Variants in ZFAND6 observed in about 807,000 individuals in gnomAD.
ZFAND6 encodes the protein zinc finger AN1-type containing 6.
In ZFAND6, 12 loss-of-function variants were observed where a neutral mutation model predicts 24.5. The ratio of observed to expected loss-of-function variants is 0.49; its 90% CI spans 0.31 to 0.79. The LOEUF (loss-of-function observed/expected upper bound fraction) is 0.79, where lower values mean the gene tolerates loss of function less well. ZFAND6 is among the 30% of genes least tolerant of loss of function. ZFAND6 has a pLI of 0.04. For synonymous variants in ZFAND6, 92 were observed against 81.5 expected, an observed-to-expected ratio of 1.13 and a Z score of -0.69; for missense variants, 207 against 245.9, an observed-to-expected ratio of 0.84 and a Z score of 1.06.
At chr15:80,099,632 T>TTTTTTTC (rs1313989156) in intron 2 of ZFAND6, among the ~76,000 whole-genome samples, 7 of 149,180 alleles carry the variant, frequency 4.7e-5, no homozygotes, top group African/African-American at 1.5e-4. Context: ...TTTTTTTTTT[T>TTTTTTTC]TTCGAGACGG....
chr15:80,069,768 G>A (rs1419096870), intron 1 of ZFAND6, among the ~76,000 whole-genome samples: 4 of 151,956 alleles, frequency 2.6e-5, no homozygotes, highest in African/African-American at 9.7e-5. Context: ...GCCACTGCAC[G>A]AGGCTAATTT....
At chr15:80,131,499 T>C (rs899013519) in intron 6 of ZFAND6, 1 of 467,374 alleles carries the variant, frequency 2.1e-6, no homozygotes, top group Non-Finnish European at 3.7e-6. Flanking sequence ...AAAAAAAGTT[T>C]TATTTCAGTT....
chr15:80,120,291 G>A (rs759910229), intron 2 of ZFAND6, 37 bp from the exon 3 acceptor site: 65 of 1,426,394 alleles, frequency 4.6e-5, no homozygotes, highest in Non-Finnish European at 5.5e-5. Flanking sequence ...TGGAAGTTAC[G>A]TGTCTGAGTT....
intron 1 of ZFAND6, among the ~76,000 whole-genome samples, chr15:80,092,890 G>C (rs2038471976): frequency 1.3e-5 from 2 of 151,722 alleles, no homozygotes; most frequent in South Asian, 4.2e-4. Flanking sequence ...GAAGTCTTTT[G>C]GTCTCAAAAT....
chr15:80,080,283 C>G (rs955170926), intron 1 of ZFAND6, among the ~76,000 whole-genome samples: 2 of 152,132 alleles, frequency 1.3e-5, no homozygotes, highest in Non-Finnish European at 2.9e-5. Context: ...AGGCATGAGC[C>G]ACTGCACCCG....
At chr15:80,075,542 A>G (rs1402311431) in intron 1 of ZFAND6, among the ~76,000 whole-genome samples, 1 of 152,196 alleles carries the variant, frequency 6.6e-6, no homozygotes, top group East Asian at 1.9e-4. Flanking sequence ...TATTTGGGTC[A>G]AGATATGAAA....
chr15:80,097,851 A>G (rs1415075798), intron 1 of ZFAND6, among the ~76,000 whole-genome samples: 1 of 148,208 alleles, frequency 6.7e-6, no homozygotes, highest in African/African-American at 2.5e-5. Flanking sequence ...TTTTTTTTTT[A>G]TGGGAACAAG....
chr15:80,132,407 A>G (rs754487907), intron 6 of ZFAND6, among the ~76,000 whole-genome samples: 1 of 152,260 alleles, frequency 6.6e-6, no homozygotes, highest in Non-Finnish European at 1.5e-5. Flanking sequence ...CCTATACAAT[A>G]TGCAGATCAT....
At chr15:80,092,674 A>C (rs1340317227) in intron 1 of ZFAND6, among the ~76,000 whole-genome samples, 1 of 152,104 alleles carries the variant, frequency 6.6e-6, no homozygotes, top group African/African-American at 2.4e-5. Context: ...TGGTGGGTGA[A>C]TGGGTTCATT....
chr15:80,118,903 G>A (rs62006309), intron 2 of ZFAND6, among the ~76,000 whole-genome samples: 78,332 of 152,020 alleles, frequency 0.52, 20,496 homozygotes, highest in Admixed American at 0.63. Flanking sequence ...TCTAGTTGGT[G>A]ACAGTAAACT....
intron 1 of ZFAND6, among the ~76,000 whole-genome samples, chr15:80,095,656 G>A (rs1304328782): frequency 6.6e-6 from 1 of 152,138 alleles, no homozygotes; most frequent in Non-Finnish European, 1.5e-5. Flanking sequence ...AGTAGGAACC[G>A]CTTTGAGCTG....
Position 80,106,678 on chromosome 15 carries a change from A to G in ZFAND6, c.-18+8100A>G, listed in dbSNP as rs140568558. 1.5e-3 allele frequency among the ~76,000 whole-genome samples: 232 copies of G among 151,818 alleles called. 1 individual carries two copies. Among genetic ancestry groups the G allele is most frequent in the African/African-American group, 5.4e-3 (225 of 41,330 alleles). On this transcript the variant is annotated intron_variant, in intron 2 of 6. Transcript: ENST00000261749. ...CATATTTTAATTCATGTTGAAGGAC[A>G]GTGTTATTACAAGTAAGTTGTTTTC... is the stretch of plus-strand genomic sequence containing the variant.
At position 80,131,478 on chromosome 15, in the gene ZFAND6, A is replaced by G. The variant is rs117445272; in HGVS notation, c.478+185A>G. ...GATTATACACCTAAAAGTGAAATGA[A>G]TAGCTTTTTTAAAAAAAGTTTTATT... On this transcript the variant is annotated intron_variant, in intron 6 of 6. Transcript: ENST00000261749. The G allele has an allele frequency of 3.0e-4, 144 of 478,232 alleles. No homozygotes were observed. In the East Asian group the frequency reaches 4.4e-3, roughly 14 times the overall value. 29.6% of individuals were successfully genotyped at this position (478,232 alleles called of 1,614,324 possible). A position where few individuals can be genotyped will look rare whatever the true frequency, so the allele number is the denominator to read the frequency against.
intron 1 of ZFAND6, among the ~76,000 whole-genome samples, chr15:80,097,794 C>G (rs974287745): frequency 5.3e-5 from 8 of 151,406 alleles, no homozygotes; most frequent in African/African-American, 1.9e-4. Context: ...AATTTACAGA[C>G]TTTCTGTATT....
intron 1 of ZFAND6, among the ~76,000 whole-genome samples, chr15:80,079,541 G>A (rs1206035157): frequency 1.3e-5 from 2 of 150,544 alleles, no homozygotes; most frequent in African/African-American, 2.4e-5. Context: ...TTCTTTTGCT[G>A]TTCTTTTGGT....
intron 1 of ZFAND6, among the ~76,000 whole-genome samples, chr15:80,068,738 G>A (rs540281064): frequency 2.0e-5 from 3 of 152,286 alleles, no homozygotes; most frequent in East Asian, 1.9e-4. Flanking sequence ...GATTACAGGC[G>A]TGAGCCACCG....
At chr15:80,105,963 G>A (rs1038051191) in intron 2 of ZFAND6, among the ~76,000 whole-genome samples, 2 of 152,136 alleles carry the variant, frequency 1.3e-5, no homozygotes, top group South Asian at 2.1e-4. Context: ...TGGTTTTGTG[G>A]CTAATAAAGT....
chr15:80,130,362 T>G (rs1038470550), intron 5 of ZFAND6: 1 of 150,432 alleles, frequency 6.6e-6, no homozygotes, highest in African/African-American at 2.4e-5. Context: ...CAGTGTAGAT[T>G]AATGGAGCAG....
intron 1 of ZFAND6, among the ~76,000 whole-genome samples, chr15:80,065,273 AC>A (rs917289186): frequency 9.2e-5 from 14 of 151,720 alleles, no homozygotes; most frequent in Admixed American, 2.6e-4. Flanking sequence ...AAAAAAAAAA[AC>A]AACTTGTTGC....
Sources: gnomAD v4.1 joint callset for allele counts (sites outside exome capture counted in the v4.1 genomes callset) on GRCh38, gnomAD v4.1.1 for gene constraint, MANE v1.5 for transcripts, NCBI Gene and HGNC (gene_info 2026-07-23, HGNC 2026-07-21) for gene names.